The following PHF10 variants were observed in gnomAD, a reference collection of about 807,000 sequenced individuals.
The protein encoded by PHF10 is BRG1-associated factor 45a.
In PHF10, 51 loss-of-function variants were observed where a neutral mutation model predicts 68.5. That is an observed-to-expected ratio of 0.74 (90% confidence interval 0.59 to 0.94). PHF10 has a LOEUF of 0.94. Among genes scored for constraint, PHF10 ranks in the 40% least tolerant of loss-of-function variants. PHF10 has a pLI of 0.00. For missense variants in PHF10, 460 were observed against 602.6 expected, an observed-to-expected ratio of 0.76 and a Z score of 2.48; for synonymous variants, 204 against 203.5, an observed-to-expected ratio of 1.00 and a Z score of -0.02.
intron 10 of PHF10, 53 bp from the exon 11 acceptor site, chr6:169,705,374 A>G: frequency 7.9e-7 from 1 of 1,261,444 alleles, no homozygotes. Flanking sequence ...TTAACTTAAT[A>G]TGGCACATAA....
intron 11 of PHF10, chr6:169,704,702 T>C (rs561851934): frequency 5.8e-6 from 1 of 171,028 alleles, no homozygotes; most frequent in African/African-American, 2.4e-5. Flanking sequence ...TTAGTCCAAT[T>C]ACTGTGATTT....
intron 3 of PHF10, 128 bp downstream of exon 3, chr6:169,718,660 C>T: frequency 1.7e-6 from 1 of 604,384 alleles, no homozygotes; most frequent in South Asian, 2.4e-5. Context: ...AGAATGAGAC[C>T]CTTAGTCTTA....
intron 10 of PHF10, 71 bp from the exon 11 acceptor site, chr6:169,705,392 GT>G: frequency 9.3e-7 from 1 of 1,073,130 alleles, no homozygotes; most frequent in Non-Finnish European, 1.4e-6. Context: ...TAAAATACTA[GT>G]TTGCTTTAGG....
At chr6:169,720,817 C>G (rs566715034) in intron 2 of PHF10, among the ~76,000 whole-genome samples, 188 bp downstream of exon 2, 39 of 152,230 alleles carry the variant, frequency 2.6e-4, no homozygotes, top group African/African-American at 8.2e-4. Flanking sequence ...ATGTATTTTA[C>G]TATCATAAAA....
chr6:169,720,918 T>A, intron 2 of PHF10, 87 bp downstream of exon 2: 3 of 682,482 alleles, frequency 4.4e-6, no homozygotes, highest in Non-Finnish European at 7.6e-6. Context: ...AATAATTGCC[T>A]TTGCCAGAGC....
intron 9 of PHF10, among the ~76,000 whole-genome samples, chr6:169,706,275 T>G (rs1788781101): frequency 6.6e-6 from 1 of 152,168 alleles, no homozygotes; most frequent in Admixed American, 6.5e-5. Context: ...ATGCATACAT[T>G]GGCGTGTACA....
intron 9 of PHF10, chr6:169,707,160 T>C (rs1044938734): frequency 3.3e-5 from 5 of 152,152 alleles, no homozygotes; most frequent in Admixed American, 2.0e-4. Flanking sequence ...AACATACATA[T>C]AAAACTTTAC....
chr6:169,706,273 A>G (rs1198112439), intron 9 of PHF10, among the ~76,000 whole-genome samples: 1 of 152,188 alleles, frequency 6.6e-6, no homozygotes, highest in African/African-American at 2.4e-5. Context: ...TCATGCATAC[A>G]TTGGCGTGTA....
intron 5 of PHF10, 48 bp downstream of exon 5, chr6:169,715,907 C>T: frequency 6.3e-7 from 1 of 1,596,282 alleles, no homozygotes; most frequent in Non-Finnish European, 8.5e-7. Context: ...TCTAAAATGT[C>T]ATTTTCCCCA....
intron 1 of PHF10, among the ~76,000 whole-genome samples, chr6:169,723,108 C>A (rs914165372): frequency 2.6e-5 from 4 of 152,230 alleles, no homozygotes; most frequent in East Asian, 1.9e-4. Context: ...GCGCACCGCA[C>A]GAAGGCTGGC....
In PHF10 at chr6:169,723,998, TGCCGCCGCCGCCGCCGCC is replaced by T. The variant is rs1161850118; in HGVS notation, c.-85_-68del. On this transcript the variant is annotated 5_prime_UTR_variant, in exon 1 of 12. Transcript: ENST00000339209. ...GCCTTGTCCCGGCCGCCGCCGCCGCTGCCGCCGCCGCCGCCGCCGCCGCCGCGCGGGCCCCCCGCCGCC... is the reference window on the plus strand; with the variant it reads ...GCCTTGTCCCGGCCGCCGCCGCCGCTGCCGCCGCGCGGGCCCCCCGCCGCC... 11 of 326,128 alleles carry T rather than the reference TGCCGCCGCCGCCGCCGCC, an allele frequency of 3.4e-5. No individual in the cohort carries two copies. Among genetic ancestry groups the T allele is most frequent in the Middle Eastern group, 1.7e-3 (1 of 572 alleles). 20.2% of individuals were successfully genotyped at this position (326,128 alleles called of 1,614,324 possible).
At chr6:169,715,502 G>A (rs1789025396) in intron 6 of PHF10, among the ~76,000 whole-genome samples, 1 of 152,182 alleles carries the variant, frequency 6.6e-6, no homozygotes, top group South Asian at 2.1e-4. Context: ...GGGAGGCGGA[G>A]GTTGCAGTGA....
rs1255900303 is a variant in PHF10 at position 169,717,869 on chromosome 6, G to A, written c.363C>T (p.Leu121=). The A allele has an allele frequency of 6.4e-7, 1 of 1,573,190 alleles. No homozygotes were observed. Among genetic ancestry groups the A allele is most frequent in the South Asian group, 1.2e-5 (1 of 86,662 alleles). The change falls in exon 4 of 12, where the codon CTC becomes CTT. Residue 121 remains leucine (L), a synonymous_variant. Transcript: ENST00000339209. ...TAATGACATTTAGCTCTCTCAGGTA[G>A]AGTTTCTCCTTGTGAGACAAATCTC... The part of the protein sequence containing the change: ...ERRDLSHKEK[L]YLRELNVITE...
intron 1 of PHF10, among the ~76,000 whole-genome samples, chr6:169,722,820 T>A (rs1268611933): frequency 2.0e-5 from 3 of 152,176 alleles, no homozygotes; most frequent in Non-Finnish European, 2.9e-5. Context: ...TTTCTATGCA[T>A]CACATCCTTC....
intron 7 of PHF10, 87 bp downstream of exon 7, chr6:169,714,646 C>A: frequency 1.3e-6 from 1 of 747,256 alleles, no homozygotes; most frequent in Admixed American, 1.9e-5. Flanking sequence ...TATCTATAGA[C>A]CCCAAAATTG....
chr6:169,721,414 C>G (rs1789174630), intron 1 of PHF10, among the ~76,000 whole-genome samples: 1 of 152,146 alleles, frequency 6.6e-6, no homozygotes, highest in South Asian at 2.1e-4. Context: ...CTCTCCTACC[C>G]AAGCTCAGGG....
intron 7 of PHF10, among the ~76,000 whole-genome samples, chr6:169,712,946 A>C (rs1467135497): frequency 6.6e-6 from 1 of 152,334 alleles, no homozygotes; most frequent in East Asian, 1.9e-4. Flanking sequence ...CATACAGTTG[A>C]TATATATGCA....
chr6:169,705,232 T>A lies in PHF10; in HGVS notation c.1312A>T (p.Ile438Leu), dbSNP rs567412578. The change falls in exon 11 of 12, where the codon ATA becomes TTA. Residue 438 changes from isoleucine to leucine, a missense_variant. By Grantham distance (5) the Ile-to-Leu change is conservative. Around this residue, in one of 3 missense-constraint regions of PHF10, gnomAD observed 111 missense variants for 109.7 expected, o/e 1.01. Transcript: ENST00000339209. The part of the protein sequence containing the change: ...WQCMECKTCI[I>L]CGQPHHEEEM... ...TCTTCATGGTGGGGTTGTCCACATA[T>A]AATGCATGTTTTACATTCCATACAC... The A allele has an allele frequency of 1.2e-6, 2 of 1,613,352 alleles. No individual in the cohort carries two copies. Among genetic ancestry groups the A allele is most frequent in the South Asian group, 2.2e-5 (2 of 91,066 alleles).
Position 169,703,954 on chromosome 6 carries a change from C to T in PHF10, c.*49G>A, listed in dbSNP as rs1163154769. The T allele has an allele frequency of 1.5e-6, 2 of 1,373,524 alleles. No individual in the cohort carries two copies. Among genetic ancestry groups the T allele is most frequent in the Non-Finnish European group, 2.0e-6 (2 of 1,008,170 alleles). 85.1% of individuals were successfully genotyped at this position (1,373,524 alleles called of 1,614,324 possible). ...CATGAAAATAATGTTGTAAATGGCACCAAATATTCCACTTAAATGCATATA... is the reference window on the plus strand; with the variant it reads ...CATGAAAATAATGTTGTAAATGGCATCAAATATTCCACTTAAATGCATATA... On this transcript the variant is annotated 3_prime_UTR_variant, in exon 12 of 12. Transcript: ENST00000339209.
Sources: gnomAD v4.1 joint callset for allele counts (sites outside exome capture counted in the v4.1 genomes callset) on GRCh38, gnomAD v4.1.1 for gene constraint, gnomAD v4.1.1 regional missense constraint, MANE v1.5 for transcripts, NCBI Gene and HGNC (gene_info 2026-07-23, HGNC 2026-07-21) for gene names.